Variants in FER observed in about 807,000 individuals in gnomAD.
The protein encoded by FER is FER tyrosine kinase, also known as tyrosine-protein kinase Fer.
Under a neutral mutation model 111.0 loss-of-function variants are expected in FER, and 63 were observed. That is an observed-to-expected ratio of 0.57 (90% confidence interval 0.46 to 0.70). FER has a LOEUF of 0.70. Among genes scored for constraint, FER ranks in the 30% least tolerant of loss-of-function variants. The probability of loss-of-function intolerance (pLI) is 0.00; values close to 1 mark genes in which losing one functional copy is unlikely to be tolerated. For synonymous variants in FER, 327 were observed against 313.9 expected, an observed-to-expected ratio of 1.04 and a Z score of -0.44; for missense variants, 914 against 954.0, an observed-to-expected ratio of 0.96 and a Z score of 0.55.
intron 3 of FER, among the ~76,000 whole-genome samples, chr5:108,818,682 A>G (rs944782571): frequency 1.3e-5 from 2 of 152,128 alleles, no homozygotes; most frequent in Non-Finnish European, 2.9e-5. Flanking sequence ...GTTAGATAAG[A>G]TGATAATTTT....
intron 1 of FER, among the ~76,000 whole-genome samples, chr5:108,765,361 A>G (rs1056773594): frequency 6.6e-6 from 1 of 152,210 alleles, no homozygotes; most frequent in African/African-American, 2.4e-5. Flanking sequence ...AAAATTATAG[A>G]AAAGACTGAG....
chr5:108,904,118 G>C (rs1389407315), intron 10 of FER, among the ~76,000 whole-genome samples: 1 of 147,298 alleles, frequency 6.8e-6, no homozygotes, highest in Non-Finnish European at 1.5e-5. Flanking sequence ...TTGAATGTCA[G>C]GTGTCAGGTA....
chr5:108,855,946 T>G (rs935704848), intron 5 of FER, among the ~76,000 whole-genome samples: 7 of 146,970 alleles, frequency 4.8e-5, no homozygotes, highest in Non-Finnish European at 9.0e-5. Context: ...AAGGGAGGAT[T>G]TTTTTTTTTT....
chr5:108,796,992 G>A (rs1220993675), intron 2 of FER, among the ~76,000 whole-genome samples: 1 of 151,806 alleles, frequency 6.6e-6, no homozygotes, highest in Non-Finnish European at 1.5e-5. Flanking sequence ...CTCACCTGAG[G>A]TTAGCATGTC....
chr5:108,862,837 A>C (rs913000280), intron 5 of FER, among the ~76,000 whole-genome samples: 1 of 151,860 alleles, frequency 6.6e-6, no homozygotes, highest in African/African-American at 2.4e-5. Context: ...AAAAATGGTG[A>C]GTAAAAAAAA....
chr5:108,795,569 TC>T (rs1755926691), intron 2 of FER, among the ~76,000 whole-genome samples: 4 of 151,992 alleles, frequency 2.6e-5, no homozygotes, highest in Admixed American at 2.6e-4. Context: ...TTGTTGTTGT[TC>T]CCTCTGACTA....
intron 10 of FER, among the ~76,000 whole-genome samples, chr5:108,919,687 G>C (rs747871626): frequency 3.3e-5 from 5 of 152,152 alleles, no homozygotes; most frequent in Non-Finnish European, 7.4e-5. Context: ...AGCTTGAAGA[G>C]ATTAAGGAAC....
chr5:109,180,139 A>T (rs953828368), intron 17 of FER, among the ~76,000 whole-genome samples: 1 of 152,206 alleles, frequency 6.6e-6, no homozygotes, highest in Admixed American at 6.5e-5. Context: ...TATTAATGAT[A>T]GGGAGACTGG....
intron 5 of FER, among the ~76,000 whole-genome samples, chr5:108,843,963 C>A (rs148156166): frequency 6.7e-6 from 1 of 150,194 alleles, no homozygotes; most frequent in South Asian, 2.1e-4. Flanking sequence ...AATTTTGTCA[C>A]GGCTAGGCTT....
At chr5:109,130,305 A>T (rs76592012) in intron 17 of FER, among the ~76,000 whole-genome samples, 2,760 of 152,070 alleles carry the variant, frequency 0.018, 67 homozygotes, top group African/African-American at 0.063. Flanking sequence ...TTTAAGAGAA[A>T]CCAGTTTTCC....
chr5:108,751,487 G>A (rs1750505107), intron 1 of FER, among the ~76,000 whole-genome samples: 1 of 152,020 alleles, frequency 6.6e-6, no homozygotes, highest in Non-Finnish European at 1.5e-5. Context: ...ACAAAAAAAC[G>A]TTTTGCTTCA....
intron 13 of FER, among the ~76,000 whole-genome samples, chr5:109,023,192 A>G (rs750962509): frequency 2.8e-4 from 42 of 151,944 alleles, no homozygotes; most frequent in Non-Finnish European, 5.0e-4. Context: ...AAGTAGACCT[A>G]ACATTTTCCC....
At chr5:109,104,537 G>A (rs944132414) in intron 17 of FER, among the ~76,000 whole-genome samples, 14 of 152,124 alleles carry the variant, frequency 9.2e-5, no homozygotes, top group Non-Finnish European at 7.3e-5. Context: ...GGATGGGTGT[G>A]TCACTGAATA....
rs952003022 is a variant in FER at position 108,897,640 on chromosome 5, T to A, written c.1047-19T>A. 12 of 1,496,044 alleles carry A rather than the reference T, an allele frequency of 8.0e-6. No individual in the cohort carries two copies. In the Admixed American group the frequency reaches 1.4e-4, roughly 18 times the overall value. 92.7% of individuals were successfully genotyped at this position (1,496,044 alleles called of 1,614,324 possible). On this transcript the variant is annotated intron_variant, in intron 9 of 19. Coordinates refer to ENST00000281092, the MANE Select transcript of FER (RefSeq NM_005246.4). ...TCTTCTTAATGAAGTTGAAATCATT[T>A]ATATTTATTCTCTTTTAGTATTGTG...
At chr5:109,035,746 G>GA (rs1176092531) in intron 13 of FER, among the ~76,000 whole-genome samples, 3 of 152,048 alleles carry the variant, frequency 2.0e-5, no homozygotes, top group Non-Finnish European at 4.4e-5. Context: ...TCTGCGTTGG[G>GA]AAAAAAATGC....
At chr5:108,855,504 C>A (rs1271879738) in intron 5 of FER, among the ~76,000 whole-genome samples, 1 of 150,802 alleles carries the variant, frequency 6.6e-6, no homozygotes, top group African/African-American at 2.4e-5. Context: ...GCCTGTAGTC[C>A]CAGCTACTCG....
chr5:109,110,649 T>A (rs1015996053), intron 17 of FER, among the ~76,000 whole-genome samples: 7 of 152,028 alleles, frequency 4.6e-5, no homozygotes, highest in African/African-American at 1.4e-4. Context: ...ATATATTTTT[T>A]AATTTTATTA....
chr5:109,091,005 A>G (rs1168928843), intron 16 of FER, among the ~76,000 whole-genome samples: 1 of 152,252 alleles, frequency 6.6e-6, no homozygotes, highest in Non-Finnish European at 1.5e-5. Flanking sequence ...ATTTGTAATC[A>G]AAAGGGGAAC....
chr5:109,055,806 A>G (rs1773558865), intron 16 of FER, among the ~76,000 whole-genome samples: 2 of 150,452 alleles, frequency 1.3e-5, no homozygotes, highest in Non-Finnish European at 1.5e-5. Context: ...AAAAAAAAAA[A>G]AATCACATAC....
Sources: gnomAD v4.1 joint callset for allele counts (sites outside exome capture counted in the v4.1 genomes callset) on GRCh38, gnomAD v4.1.1 for gene constraint, MANE v1.5 for transcripts, NCBI Gene and HGNC (gene_info 2026-07-23, HGNC 2026-07-21) for gene names.